SMS: variants seen among roughly 807,000 people sequenced by gnomAD.
SMS encodes spermidine aminopropyltransferase.
A neutral mutation model predicts 33.0 loss-of-function variants in SMS; 3 were observed. That is an observed-to-expected ratio of 0.09 (90% CI 0.04 to 0.23). SMS has a LOEUF of 0.23. Ranked by LOEUF, SMS falls within the 10% of genes least tolerant of loss-of-function variation. SMS has a pLI of 1.00. For synonymous variants in SMS, 103 were observed against 112.2 expected (o/e 0.92, Z 0.52); for missense variants, 117 against 288.6 (o/e 0.41, Z 4.31).
intron 1 of SMS, among the ~76,000 whole-genome samples, chrX:21,957,910 G>C (rs1923077322): frequency 9.1e-6 from 1 of 109,870 alleles, no homozygotes; most frequent in Admixed American, 9.6e-5. Context: ...TATCTTTTGA[G>C]AATTGTCTGT....
At position 21,942,653 on chromosome X, in the gene SMS, A is replaced by G. The variant is rs576465428; in HGVS notation, c.49+1780A>G. On this transcript the variant is annotated intron_variant, in intron 1 of 10. Transcript: ENST00000404933. Reference sequence around the variant, plus strand: ...CTGAAGAGCCAAGGTTTCATTAATAACCCTGCCAGCCTTAGGGCTGAATGG... The same window carrying G: ...CTGAAGAGCCAAGGTTTCATTAATAGCCCTGCCAGCCTTAGGGCTGAATGG... Among the ~76,000 whole-genome samples the G allele has an allele frequency of 1.5e-4, 17 of 110,215 alleles. No individual in the cohort carries two copies. In the East Asian group the frequency reaches 2.6e-3, roughly 17 times the overall value.
intron 7 of SMS, among the ~76,000 whole-genome samples, chrX:21,980,257 G>C (rs747764307): frequency 5.3e-4 from 57 of 108,049 alleles, no homozygotes; most frequent in African/African-American, 1.9e-3. Context: ...ATGCAGTATA[G>C]CCATGTAAAA....
chrX:21,948,480 A>C (rs1198392601), intron 1 of SMS, among the ~76,000 whole-genome samples: 2 of 86,486 alleles, frequency 2.3e-5, no homozygotes, highest in Non-Finnish European at 4.4e-5. Context: ...TTGCATTTGC[A>C]GTGGAGGAGT....
At chrX:21,951,530 A>G (rs980131035) in intron 1 of SMS, among the ~76,000 whole-genome samples, 30 of 111,132 alleles carry the variant, frequency 2.7e-4, no homozygotes, top group Admixed American at 7.7e-4. Context: ...TATGTCCTGA[A>G]TGGTATTGCC....
chrX:21,960,019 C>T (rs147950908), intron 1 of SMS: 2 of 513,874 alleles, frequency 3.9e-6, no homozygotes, highest in Admixed American at 1.2e-4. Context: ...GCGTGAGTGA[C>T]TGTCTGTGTG....
At chrX:21,952,080 T>A (rs1008770179) in intron 1 of SMS, among the ~76,000 whole-genome samples, 1 of 112,061 alleles carries the variant, frequency 8.9e-6, no homozygotes, top group African/African-American at 3.2e-5. Context: ...GTTCCACTAC[T>A]TACTAGTGTG....
rs913393748 is a variant in SMS, at chrX:21,967,064, A to G, written c.50-132A>G. ...TGTTCAGGTTTTTTAATTTTTATTT[A>G]TTTATTTATTTATTTATTTATTTAT... On this transcript the variant is annotated intron_variant, in intron 1 of 10. Transcript: ENST00000404933. 2.9e-5 allele frequency: 8 copies of G among 272,923 alleles called. No homozygotes were observed. In the African/African-American group the frequency reaches 3.7e-4, roughly 13 times the overall value. The allele number at this position is 272,923 out of a possible 1,213,427, so 22.5% of individuals were successfully genotyped here. A position where few individuals can be genotyped will look rare whatever the true frequency, so the allele number is the denominator to read the frequency against.
At chrX:21,952,486 G>C (rs1332664802) in intron 1 of SMS, among the ~76,000 whole-genome samples, 2 of 105,360 alleles carry the variant, frequency 1.9e-5, no homozygotes, top group African/African-American at 7.0e-5. Flanking sequence ...CTTGGTCATG[G>C]CATATTTTTC....
intron 2 of SMS, among the ~76,000 whole-genome samples, chrX:21,968,899 G>A (rs1054101203): frequency 9.0e-6 from 1 of 111,411 alleles, no homozygotes; most frequent in African/African-American, 3.3e-5. Context: ...AACAACACCC[G>A]TTCCCCAATA....
At chrX:21,965,895 G>A (rs1360129340) in intron 1 of SMS, among the ~76,000 whole-genome samples, 1 of 112,001 alleles carries the variant, frequency 8.9e-6, no homozygotes, top group Non-Finnish European at 1.9e-5. Context: ...AGCAGAGGTT[G>A]CATTGAGCCG....
intron 1 of SMS, among the ~76,000 whole-genome samples, chrX:21,956,357 C>T (rs1375428826): frequency 8.9e-6 from 1 of 112,890 alleles, no homozygotes; most frequent in Non-Finnish European, 1.9e-5. Flanking sequence ...GATCTCAGCT[C>T]ACTGCAGCCT....
intron 1 of SMS, among the ~76,000 whole-genome samples, chrX:21,951,968 G>C (rs1922634768): frequency 8.9e-6 from 1 of 111,971 alleles, no homozygotes; most frequent in Non-Finnish European, 1.9e-5. Context: ...TAACCACTTT[G>C]ATGTGTGGTA....
At chrX:21,948,439 C>CTTTTTTTTTTTTTTTTTTTTTT (rs59082770) in intron 1 of SMS, among the ~76,000 whole-genome samples, 1 of 80,206 alleles carries the variant, frequency 1.2e-5, no homozygotes. Context: ...GTCAATGTGT[C>CTTTTTTTTTTTTTTTTTTTTTT]TTTTTTTTTT....
Position 21,978,096 on chromosome X carries a change from G to A in SMS, c.642G>A (p.Lys214=), listed in dbSNP as rs757780897. The change falls in exon 6 of 11, where the codon AAG becomes AAA. Residue 214 remains lysine, a synonymous_variant. Transcript: ENST00000404933. ...GTGAAATAGTCAAACTAAAACCAAA[G>A]ATGGTCACTATGGTAGAGATATCCT... ...ILCEIVKLKP[K]MVTMVEIDQM... 1.9e-5 allele frequency: 23 copies of A among 1,209,999 alleles called. No homozygotes were observed. The highest frequency in any genetic ancestry group is 4.6e-4 in the Middle Eastern group (2 of 4,351).
At chrX:21,965,548 G>C (rs1233079613) in intron 1 of SMS, among the ~76,000 whole-genome samples, 1 of 93,856 alleles carries the variant, frequency 1.1e-5, no homozygotes, top group Non-Finnish European at 2.0e-5. Context: ...AGACCATCTT[G>C]GCTAACACAG....
In SMS at chrX:21,966,410, A is replaced by G. The variant is rs781744181; in HGVS notation, c.50-786A>G. Among the ~76,000 whole-genome samples, 3 of 111,898 alleles carry G rather than the reference A, an allele frequency of 2.7e-5. No individual in the cohort carries two copies. In the South Asian group the frequency reaches 1.1e-3, roughly 41 times the overall value. ...AAAAATTGCATTTACCCCTTATTCTAAGTATTGTAATGTTGGATGTTCTTG... is the reference window on the plus strand; with the variant it reads ...AAAAATTGCATTTACCCCTTATTCTGAGTATTGTAATGTTGGATGTTCTTG... On this transcript the variant is annotated intron_variant, in intron 1 of 10. Transcript: ENST00000404933.
rs747159180 is a variant in SMS, at chrX:21,985,360, T to C, written c.945+137T>C. ...GATTATGTTCTTTCAAACAGTAAGC[T>C]TCTACGTTGACCTGTTGTCTGTTGG... On this transcript the variant is annotated intron_variant, in intron 9 of 10. Coordinates refer to ENST00000404933, the MANE Select transcript of SMS (RefSeq NM_004595.5). 3 of 450,484 alleles carry C rather than the reference T, an allele frequency of 6.7e-6. No individual in the cohort carries two copies. In the African/African-American group the frequency reaches 7.3e-5, roughly 11 times the overall value. The allele number at this position is 450,484 out of a possible 1,213,427, so 37.1% of individuals were successfully genotyped here.
intron 1 of SMS, among the ~76,000 whole-genome samples, chrX:21,959,571 C>G (rs1041540085): frequency 1.8e-5 from 2 of 112,445 alleles, no homozygotes; most frequent in Non-Finnish European, 3.7e-5. Flanking sequence ...TGTACCAGTT[C>G]TGAGTTTTGA....
intron 8 of SMS, 72 bp from the exon 9 acceptor site, chrX:21,985,072 G>T (rs1479749162): frequency 3.0e-6 from 2 of 670,464 alleles, no homozygotes; most frequent in African/African-American, 4.3e-5. Flanking sequence ...TTGAGTATTC[G>T]AATATTTTAC....
Sources: allele counts gnomAD v4.1 joint callset (sites outside exome capture counted in the v4.1 genomes callset), GRCh38; gene constraint gnomAD v4.1.1; transcripts MANE v1.5; gene names NCBI Gene and HGNC (gene_info 2026-07-23, HGNC 2026-07-21).